Variants in DDR2 observed in about 807,000 individuals in gnomAD.
The protein encoded by DDR2 is discoidin domain receptor tyrosine kinase 2, also known as discoidin domain-containing receptor 2.
A neutral mutation model predicts 94.9 loss-of-function variants in DDR2; 27 were observed. The observed-to-expected ratio is 0.28, with a 90% CI of 0.21 to 0.39. The LOEUF is 0.39. Among genes scored for constraint, DDR2 ranks in the 10% least tolerant of loss-of-function variants. The pLI is 1.00. For missense variants in DDR2, 783 were observed against 1,076.0 expected, an observed-to-expected ratio of 0.73 and a Z score of 3.81; for synonymous variants, 382 against 377.2, an observed-to-expected ratio of 1.01 and a Z score of -0.15.
At position 162,780,276 on chromosome 1, in the gene DDR2, G is replaced by C; in HGVS notation, c.*30G>C. ...GTCAGTGCCTGGCCATGTTCCTACGGCTCAGGTCCTCCCTACAAGACCTAC... is the reference window on the plus strand; with the variant it reads ...GTCAGTGCCTGGCCATGTTCCTACGCCTCAGGTCCTCCCTACAAGACCTAC... On this transcript the variant is annotated 3_prime_UTR_variant, in exon 18 of 18. Coordinates refer to ENST00000367921, the MANE Select transcript of DDR2 (RefSeq NM_006182.4). The C allele has an allele frequency of 6.2e-7, 1 of 1,613,428 alleles. No individual in the cohort carries two copies.
intron 2 of DDR2, among the ~76,000 whole-genome samples, chr1:162,716,086 A>C (rs370362821): frequency 6.6e-6 from 1 of 151,550 alleles, no homozygotes; most frequent in African/African-American, 2.4e-5. Flanking sequence ...GATTAAATGG[A>C]TAATTTTATA....
intron 2 of DDR2, among the ~76,000 whole-genome samples, chr1:162,687,208 G>T (rs1288154958): frequency 6.6e-6 from 1 of 152,218 alleles, no homozygotes. Flanking sequence ...AGGTGGCCTG[G>T]ATGTGGTAGA....
intron 2 of DDR2, among the ~76,000 whole-genome samples, chr1:162,665,291 C>T (rs1175349944): frequency 6.6e-6 from 1 of 152,160 alleles, no homozygotes; most frequent in Non-Finnish European, 1.5e-5. Flanking sequence ...AGTTAGCTCA[C>T]CCTCTAGATC....
intron 3 of DDR2, among the ~76,000 whole-genome samples, chr1:162,745,566 A>G (rs183620007): frequency 1.4e-4 from 21 of 152,110 alleles, no homozygotes; most frequent in Admixed American, 1.2e-3. Context: ...TCCCAACACC[A>G]TTTATTAATG....
chr1:162,732,213 A>C (rs1234451998), intron 3 of DDR2, among the ~76,000 whole-genome samples: 2 of 152,194 alleles, frequency 1.3e-5, no homozygotes, highest in East Asian at 3.8e-4. Flanking sequence ...CATTATACCC[A>C]AAGAATAGCC....
chr1:162,764,823 T>C (rs961340987), intron 9 of DDR2, among the ~76,000 whole-genome samples: 1 of 149,834 alleles, frequency 6.7e-6, no homozygotes, highest in Non-Finnish European at 1.5e-5. Context: ...TGAGACCCTG[T>C]TTAAAAAAAA....
At chr1:162,736,335 G>A (rs1309012703) in intron 3 of DDR2, among the ~76,000 whole-genome samples, 1 of 152,248 alleles carries the variant, frequency 6.6e-6, no homozygotes, top group Non-Finnish European at 1.5e-5. Flanking sequence ...GACCGAAAGA[G>A]AGCCAGGAGC....
intron 2 of DDR2, among the ~76,000 whole-genome samples, chr1:162,685,510 A>G (rs1359387925): frequency 6.6e-6 from 1 of 152,084 alleles, no homozygotes; most frequent in Non-Finnish European, 1.5e-5. Context: ...GCCTGGGTCT[A>G]ATCTCAGGGC....
At chr1:162,641,780 G>C (rs769249956) in intron 1 of DDR2, among the ~76,000 whole-genome samples, 10 of 152,138 alleles carry the variant, frequency 6.6e-5, no homozygotes, top group Non-Finnish European at 1.3e-4. Context: ...CTAAGTACTG[G>C]ACTTACTATC....
chr1:162,753,309 G>A, intron 4 of DDR2, 112 bp downstream of exon 4: 2 of 949,888 alleles, frequency 2.1e-6, no homozygotes, highest in Non-Finnish European at 3.3e-6. Flanking sequence ...AGGAACTGTT[G>A]AGAAATGAAG....
chr1:162,763,418 C>T (rs1326756742), intron 9 of DDR2, among the ~76,000 whole-genome samples: 12 of 140,788 alleles, frequency 8.5e-5, no homozygotes, highest in African/African-American at 3.3e-4. Flanking sequence ...AGGCTGGTCT[C>T]GAACTCCCAA....
At chr1:162,712,247 T>C (rs927487155) in intron 2 of DDR2, among the ~76,000 whole-genome samples, 9 of 149,184 alleles carry the variant, frequency 6.0e-5, no homozygotes, top group African/African-American at 1.7e-4. Context: ...CACATATTCA[T>C]TGAAGTTCTT....
chr1:162,691,255 A>G (rs948880991), intron 2 of DDR2, among the ~76,000 whole-genome samples: 6 of 152,186 alleles, frequency 3.9e-5, no homozygotes, highest in Non-Finnish European at 8.8e-5. Flanking sequence ...GCCAGGTTGT[A>G]AAGATCTCTT....
chr1:162,753,513 G>A (rs937756512), intron 4 of DDR2, among the ~76,000 whole-genome samples: 6 of 152,166 alleles, frequency 3.9e-5, no homozygotes, highest in African/African-American at 1.4e-4. Context: ...TGCTGCAGGA[G>A]GCAGGCAACA....
chr1:162,701,923 C>A (rs1214064151), intron 2 of DDR2, among the ~76,000 whole-genome samples: 4 of 152,162 alleles, frequency 2.6e-5, no homozygotes, highest in African/African-American at 7.2e-5. Context: ...CTGCATGAAA[C>A]ATTCGAAGGT....
rs117763340 is a variant in DDR2, at chr1:162,634,457, T to C, written c.-192+1826T>C. Among the ~76,000 whole-genome samples the C allele has an allele frequency of 1.2e-4, 19 of 152,338 alleles. 1 individual carries two copies. In the East Asian group the frequency reaches 3.1e-3, roughly 25 times the overall value. On this transcript the variant is annotated intron_variant, in intron 1 of 17. Coordinates refer to ENST00000367921, the MANE Select transcript of DDR2 (RefSeq NM_006182.4). ...CAAGGGCTTACCCATATCAGCTCTT[T>C]CGATTAGGATCGGTAAACACAGAAC...
chr1:162,660,738 C>G (rs1658251739), intron 2 of DDR2, among the ~76,000 whole-genome samples: 1 of 152,188 alleles, frequency 6.6e-6, no homozygotes, highest in Admixed American at 6.5e-5. Flanking sequence ...TGGTTTATGA[C>G]AGGAGTTGGA....
chr1:162,684,171 A>G (rs1418212810), intron 2 of DDR2, among the ~76,000 whole-genome samples: 1 of 152,224 alleles, frequency 6.6e-6, no homozygotes, highest in Non-Finnish European at 1.5e-5. Flanking sequence ...GCCTTGCACA[A>G]GTGAGTTCTT....
intron 2 of DDR2, among the ~76,000 whole-genome samples, chr1:162,659,985 A>G (rs1375684027): frequency 9.0e-6 from 1 of 111,088 alleles, no homozygotes; most frequent in Non-Finnish European, 2.0e-5. Context: ...TTTAGCCCCA[A>G]ATTGTGGGCT....
Sources: allele counts gnomAD v4.1 joint callset (sites outside exome capture counted in the v4.1 genomes callset), GRCh38; gene constraint gnomAD v4.1.1; transcripts MANE v1.5; gene names NCBI Gene and HGNC (gene_info 2026-07-23, HGNC 2026-07-21).